The following CSMD3 variants were observed in gnomAD, a reference collection of about 807,000 sequenced individuals.
CSMD3 encodes the protein CUB and Sushi multiple domains 3.
CSMD3 carries 177 observed loss-of-function variants against 435.2 expected under a neutral mutation model. That is an observed-to-expected ratio of 0.41 (90% CI 0.36 to 0.46). The LOEUF (loss-of-function observed/expected upper bound fraction) is 0.46, where lower values mean the gene tolerates loss of function less well. CSMD3 is among the 20% of genes least tolerant of loss of function. The probability of loss-of-function intolerance (pLI) is 0.34; values close to 1 mark genes in which losing one functional copy is unlikely to be tolerated. For synonymous variants in CSMD3, 1,656 were observed against 1,520.5 expected, an observed-to-expected ratio of 1.09 and a Z score of -2.07; for missense variants, 4,265 against 4,504.6, an observed-to-expected ratio of 0.95 and a Z score of 1.52.
chr8:113,421,514 C>A (rs1324655095), intron 1 of CSMD3, among the ~76,000 whole-genome samples: 1 of 152,116 alleles, frequency 6.6e-6, no homozygotes, highest in Non-Finnish European at 1.5e-5. Context: ...TTCATGTTTA[C>A]ATTGTATTTA....
intron 10 of CSMD3, among the ~76,000 whole-genome samples, chr8:112,886,682 C>T (rs551129175): frequency 1.3e-5 from 2 of 151,266 alleles, no homozygotes; most frequent in Non-Finnish European, 3.0e-5. Context: ...ATATAGTTGT[C>T]CTATTATATT....
At position 112,680,568 on chromosome 8, in the gene CSMD3, T is replaced by A. The variant is rs189049172; in HGVS notation, c.2677+1874A>T. ...ACTCCACTATGTTTTTAAAATACCA[T>A]CATAGTCATAATTATTGACAGAGTA... On this transcript the variant is annotated intron_variant, in intron 16 of 70. Coordinates refer to ENST00000297405, the MANE Select transcript of CSMD3 (RefSeq NM_198123.2). Among the ~76,000 whole-genome samples, 3 of 152,292 alleles carry A rather than the reference T, an allele frequency of 2.0e-5. No individual in the cohort carries two copies. In the East Asian group the frequency reaches 5.8e-4, roughly 29 times the overall value.
intron 5 of CSMD3, among the ~76,000 whole-genome samples, chr8:113,025,319 C>G (rs2086836416): frequency 1.3e-5 from 2 of 152,066 alleles, no homozygotes; most frequent in South Asian, 4.1e-4. Context: ...GGTGTTTTGG[C>G]TTTGATTCTG....
chr8:112,612,903 TA>T (rs34577676), intron 22 of CSMD3, among the ~76,000 whole-genome samples: 2,592 of 34,166 alleles, frequency 0.076, 38 homozygotes, highest in South Asian at 0.21. Context: ...TTATTATTAT[TA>T]TTTTTTTTTT....
chr8:112,874,430 T>C (rs1159304945), intron 10 of CSMD3, among the ~76,000 whole-genome samples: 1 of 152,146 alleles, frequency 6.6e-6, no homozygotes, highest in Non-Finnish European at 1.5e-5. Flanking sequence ...GTCCGCTTGG[T>C]TCAGAGCTGA....
intron 1 of CSMD3, chr8:113,376,990 CG>C: frequency 1.0e-6 from 1 of 957,368 alleles, no homozygotes. Flanking sequence ...CATGACCAGC[CG>C]GGCCCGCAGC....
At chr8:113,322,157 A>G (rs1228510969) in intron 1 of CSMD3, among the ~76,000 whole-genome samples, 3 of 152,142 alleles carry the variant, frequency 2.0e-5, no homozygotes, top group Admixed American at 6.5e-5. Context: ...TTTAATCACA[A>G]TATCTTTCAT....
chr8:112,552,415 G>A (rs1827765449), intron 26 of CSMD3, among the ~76,000 whole-genome samples, 179 bp downstream of exon 26: 1 of 152,046 alleles, frequency 6.6e-6, no homozygotes, highest in Non-Finnish European at 1.5e-5. Flanking sequence ...GAGCCTATGA[G>A]GAGGAGGTTG....
At chr8:113,189,984 G>A (rs1481172805) in intron 3 of CSMD3, among the ~76,000 whole-genome samples, 1 of 151,244 alleles carries the variant, frequency 6.6e-6, no homozygotes, top group African/African-American at 2.4e-5. Flanking sequence ...CTTTTATTTT[G>A]CCATTATAAG....
intron 22 of CSMD3, among the ~76,000 whole-genome samples, chr8:112,589,344 T>C (rs892979379): frequency 1.6e-4 from 25 of 152,160 alleles, no homozygotes; most frequent in Non-Finnish European, 3.5e-4. Context: ...TTTCTCCGCA[T>C]ATGAACACCA....
chr8:113,306,146 AAAT>A (rs1250145178), intron 2 of CSMD3, among the ~76,000 whole-genome samples: 3 of 152,174 alleles, frequency 2.0e-5, no homozygotes, highest in Non-Finnish European at 4.4e-5. Context: ...GAGAAATAAT[AAAT>A]AATAACTATT....
chr8:112,986,226 T>C (rs1012711922), intron 6 of CSMD3, among the ~76,000 whole-genome samples: 2 of 152,206 alleles, frequency 1.3e-5, no homozygotes, highest in Non-Finnish European at 2.9e-5. Context: ...TGTATAAAAA[T>C]GTTTCTTTTC....
chr8:112,465,876 G>A (rs1817901066), intron 32 of CSMD3, among the ~76,000 whole-genome samples: 1 of 151,596 alleles, frequency 6.6e-6, no homozygotes, highest in Non-Finnish European at 1.5e-5. Context: ...TTGGGAGGCT[G>A]AGGCAGGACA....
At chr8:112,840,261 G>C (rs1484028366) in intron 11 of CSMD3, among the ~76,000 whole-genome samples, 1 of 151,704 alleles carries the variant, frequency 6.6e-6, no homozygotes. Flanking sequence ...TTTTGATAGG[G>C]ATTTTGTAGA....
chr8:112,307,269 C>G (rs1203938538), intron 50 of CSMD3, among the ~76,000 whole-genome samples: 2 of 151,860 alleles, frequency 1.3e-5, no homozygotes, highest in Admixed American at 1.3e-4. Flanking sequence ...ACTACAGGTG[C>G]GTACCACCAT....
At chr8:112,898,775 T>C (rs1412387715) in intron 10 of CSMD3, among the ~76,000 whole-genome samples, 1 of 151,274 alleles carries the variant, frequency 6.6e-6, no homozygotes. Flanking sequence ...TTTTATCTTT[T>C]TATCACACAT....
At chr8:113,169,017 T>C (rs188010897) in intron 4 of CSMD3, among the ~76,000 whole-genome samples, 3 of 152,238 alleles carry the variant, frequency 2.0e-5, no homozygotes, top group Non-Finnish European at 2.9e-5. Context: ...TTTAAAAAAT[T>C]ACTAGGCTAA....
intron 9 of CSMD3, among the ~76,000 whole-genome samples, chr8:112,927,962 A>G (rs2082965944): frequency 6.6e-6 from 1 of 152,158 alleles, no homozygotes; most frequent in East Asian, 1.9e-4. Context: ...CTACTGCCCT[A>G]TTTAATAACC....
At chr8:113,174,872 C>A (rs1463827826) in intron 3 of CSMD3, among the ~76,000 whole-genome samples, 1 of 151,688 alleles carries the variant, frequency 6.6e-6, no homozygotes, top group Admixed American at 6.6e-5. Context: ...TAGTATTGTG[C>A]AAACATTAAT....
Sources: allele counts gnomAD v4.1 joint callset (sites outside exome capture counted in the v4.1 genomes callset), GRCh38; gene constraint gnomAD v4.1.1; transcripts MANE v1.5; gene names NCBI Gene and HGNC (gene_info 2026-07-23, HGNC 2026-07-21).